SPNS1: variants seen among roughly 807,000 people sequenced by gnomAD.
SPNS1 encodes the protein protein spinster homolog 1.
Under a neutral mutation model 50.3 loss-of-function variants are expected in SPNS1, and 22 were observed. That is an observed-to-expected ratio of 0.44 (90% CI 0.31 to 0.62). The LOEUF (loss-of-function observed/expected upper bound fraction) is 0.62, where lower values mean the gene tolerates loss of function less well. Ranked by LOEUF, SPNS1 falls within the 20% of genes least tolerant of loss-of-function variation. The pLI, the probability that SPNS1 is intolerant of heterozygous loss-of-function variation, is 0.07. For missense variants in SPNS1, 576 were observed against 728.6 expected, an observed-to-expected ratio of 0.79 and a Z score of 2.41; for synonymous variants, 295 against 317.4, an observed-to-expected ratio of 0.93 and a Z score of 0.75.
intron 8 of SPNS1, 73 bp from the exon 9 acceptor site, chr16:28,982,784 G>A: frequency 1.3e-6 from 2 of 1,531,792 alleles, no homozygotes; most frequent in East Asian, 4.5e-5. Flanking sequence ...GTTAATAGAT[G>A]AGCTGGGAAC....
rs750395084 is a variant in SPNS1 at position 28,983,209 on chromosome 16, C to A, written c.1239C>A (p.Thr413=). ...ADILLYVVIP[T]RRSTAEAFQI... ...CTCCACAGTACGTGGTGATCCCTAC[C>A]CGACGCTCCACCGCCGAGGCCTTCC... Residue 413 remains threonine, a synonymous_variant, in exon 10 of 12, where the codon ACC becomes ACA. Transcript: ENST00000311008. The surrounding 1 kb of genome is among the most constrained non-coding windows in gnomAD (Gnocchi z 5.4). The A allele has an allele frequency of 1.2e-6, 2 of 1,613,532 alleles. No homozygotes were observed. Among genetic ancestry groups the A allele is most frequent in the Non-Finnish European group, 1.7e-6 (2 of 1,179,724 alleles).
In SPNS1 at chr16:28,984,475, G is replaced by A. The variant is rs1277622773; in HGVS notation, c.*176G>A. ...GGAGGAGGTGGGGGTCCAGGAGGGG[G>A]ATCCCTCTCCACAGGGGCAGCCCCA... is the stretch of plus-strand genomic sequence containing the variant. On this transcript the variant is annotated 3_prime_UTR_variant, in exon 12 of 12. Coordinates refer to ENST00000311008, the MANE Select transcript of SPNS1 (RefSeq NM_032038.3). 1 of 728,402 alleles carries A rather than the reference G, an allele frequency of 1.4e-6. No homozygotes were observed. Among genetic ancestry groups the A allele is most frequent in the South Asian group, 1.5e-5 (1 of 66,990 alleles). 45.1% of individuals were successfully genotyped at this position (728,402 alleles called of 1,614,324 possible). A position where few individuals can be genotyped will look rare whatever the true frequency, so the allele number is the denominator to read the frequency against.
At chr16:28,982,973 G>A in intron 9 of SPNS1, 51 bp downstream of exon 9, 1 of 1,600,222 alleles carries the variant, frequency 6.2e-7, no homozygotes, top group Non-Finnish European at 8.6e-7. Context: ...TGAGAGCAGA[G>A]TTGGGGTCAG....
intron 8 of SPNS1, 104 bp downstream of exon 8, chr16:28,982,649 T>G (rs1329011405): frequency 2.2e-6 from 3 of 1,365,688 alleles, no homozygotes; most frequent in Non-Finnish European, 3.0e-6. Context: ...GAATCACAGC[T>G]CTGGCTCTTC....
At position 28,974,842 on chromosome 16, in the gene SPNS1, G is replaced by A. The variant is rs1596739077; in HGVS notation, c.-310G>A. 6.5e-6 allele frequency: 10 copies of A among 1,535,668 alleles called. No homozygotes were observed. Among genetic ancestry groups the A allele is most frequent in the Non-Finnish European group, 8.7e-6 (10 of 1,146,572 alleles). ...CAGCGCCCGGGCTGAGCGACAGCAA[G>A]TGCAGCGGGCTCCTACCCCGGGTGA... On this transcript the variant is annotated 5_prime_UTR_variant, in exon 1 of 12. In the 5' UTR this introduces an upstream ATG that the reference lacks. Transcript: ENST00000311008.
At chr16:28,976,450 G>C (rs1277864819) in intron 2 of SPNS1, among the ~76,000 whole-genome samples, 1 of 152,174 alleles carries the variant, frequency 6.6e-6, no homozygotes, top group Non-Finnish European at 1.5e-5. Context: ...TGCCAGGCCT[G>C]GAGGAAGTGA....
At chr16:28,982,269 C>T in intron 7 of SPNS1, 87 bp from the exon 8 acceptor site, 1 of 1,456,376 alleles carries the variant, frequency 6.9e-7, no homozygotes, top group East Asian at 2.3e-5. Flanking sequence ...CTGTAGGGAC[C>T]TTGGTTGTGA....
Position 28,974,829 on chromosome 16 carries a change from T to A in SPNS1, c.-323T>A. The A allele has an allele frequency of 1.3e-6, 2 of 1,535,726 alleles. No individual in the cohort carries two copies. Among genetic ancestry groups the A allele is most frequent in the Non-Finnish European group, 1.7e-6 (2 of 1,146,576 alleles). Reference sequence around the variant, plus strand: ...GGCTGCCGTGGTGCAGCGCCCGGGCTGAGCGACAGCAAGTGCAGCGGGCTC... The same window carrying A: ...GGCTGCCGTGGTGCAGCGCCCGGGCAGAGCGACAGCAAGTGCAGCGGGCTC... On this transcript the variant is annotated 5_prime_UTR_variant, in exon 1 of 12. An upstream open reading frame in the 5' UTR loses its in-frame stop. Transcript: ENST00000311008.
chr16:28,977,779 G>A, intron 2 of SPNS1, 129 bp from the exon 3 acceptor site: 1 of 1,182,940 alleles, frequency 8.5e-7, no homozygotes, highest in Non-Finnish European at 1.2e-6. Context: ...GCTTCAGGCT[G>A]GGATGTGGGG....
intron 2 of SPNS1, among the ~76,000 whole-genome samples, chr16:28,975,936 G>T (rs182547512): frequency 4.6e-5 from 7 of 152,302 alleles, no homozygotes; most frequent in African/African-American, 1.7e-4. Context: ...TGTCTGTGAA[G>T]GGCCTAGTGC....
chr16:28,979,554 C>T, intron 5 of SPNS1, 83 bp downstream of exon 5: 3 of 1,467,180 alleles, frequency 2.0e-6, no homozygotes, highest in East Asian at 4.6e-5. Flanking sequence ...TTCCCACCGC[C>T]CATTTTTCTT....
At position 28,984,397 on chromosome 16, in the gene SPNS1, A is replaced by G. The variant is rs748565962; in HGVS notation, c.*98A>G. 29 of 1,231,760 alleles carry G rather than the reference A, an allele frequency of 2.4e-5. No homozygotes were observed. 76.3% of individuals were successfully genotyped at this position (1,231,760 alleles called of 1,614,324 possible). A position where few individuals can be genotyped will look rare whatever the true frequency, so the allele number is the denominator to read the frequency against. On this transcript the variant is annotated 3_prime_UTR_variant, in exon 12 of 12. Coordinates refer to ENST00000311008, the MANE Select transcript of SPNS1 (RefSeq NM_032038.3). ...AACCCCTTGGCCTGGCCCAGCTTCC[A>G]GAGGGACCCTGGGCCGTGTGCCAGC... is the stretch of plus-strand genomic sequence containing the variant.
chr16:28,974,895 C>G lies in SPNS1; in HGVS notation c.-257C>G, dbSNP rs1435421118. Reference sequence around the variant, plus strand: ...GGTGGCCTCCGCGTGGGATCGTGCCCTCTTCAGCCCGCTCCTGTCCCCGAC... The same window carrying G: ...GGTGGCCTCCGCGTGGGATCGTGCCGTCTTCAGCCCGCTCCTGTCCCCGAC... On this transcript the variant is annotated 5_prime_UTR_variant, in exon 1 of 12. Transcript: ENST00000311008. The G allele has an allele frequency of 9.2e-6, 14 of 1,529,582 alleles. No individual in the cohort carries two copies. Among genetic ancestry groups the G allele is most frequent in the Non-Finnish European group, 1.2e-5 (14 of 1,143,144 alleles). 94.8% of individuals were successfully genotyped at this position (1,529,582 alleles called of 1,614,324 possible). A position where few individuals can be genotyped will look rare whatever the true frequency, so the allele number is the denominator to read the frequency against.
Position 28,982,519 on chromosome 16 carries a change from G to A in SPNS1, c.1129G>A (p.Ala377Thr), listed in dbSNP as rs748746793. The change falls in exon 8 of 12, where the codon GCC becomes ACC. Residue 377 changes from alanine to threonine, a missense_variant. By Grantham distance (58) the Ala-to-Thr change is moderately conservative. Transcript: ENST00000311008. ...CTTCCTCTTCCTGTCCCTTGCCTGCGCCCGTGGTAGCATCGTGGCCACTTA... is the reference window on the plus strand; with the variant it reads ...CTTCCTCTTCCTGTCCCTTGCCTGCACCCGTGGTAGCATCGTGGCCACTTA... ...APFLFLSLACARGSIVATYIF... is the reference protein window; with the variant it reads ...APFLFLSLACTRGSIVATYIF... 2.1e-5 allele frequency: 34 copies of A among 1,610,992 alleles called. No individual in the cohort carries two copies. The highest frequency in any genetic ancestry group is 1.7e-4 in the Middle Eastern group (1 of 6,016).
Position 28,975,044 on chromosome 16 carries a change from C to A in SPNS1, c.-108C>A. 7.0e-7 allele frequency: 1 copy of A among 1,432,286 alleles called. No individual in the cohort carries two copies. The highest frequency in any genetic ancestry group is 1.5e-5 in the South Asian group (1 of 68,242). The allele number at this position is 1,432,286 out of a possible 1,614,324, so 88.7% of individuals were successfully genotyped here. A position where few individuals can be genotyped will look rare whatever the true frequency, so the allele number is the denominator to read the frequency against. On this transcript the variant is annotated 5_prime_UTR_variant, in exon 1 of 12. Coordinates refer to ENST00000311008, the MANE Select transcript of SPNS1 (RefSeq NM_032038.3). ...AGGGCAAGCTCCCCGTCTCCGGGCGCACTTCCCTCGCCTGTGTTCGGTCCA... is the reference window on the plus strand; with the variant it reads ...AGGGCAAGCTCCCCGTCTCCGGGCGAACTTCCCTCGCCTGTGTTCGGTCCA...
In SPNS1 at chr16:28,983,311, G is replaced by A. The variant is rs754495701; in HGVS notation, c.1320+21G>A. ...GCCTGGTGAGCATTATTTCTTGGCT[G>A]GCATGGGGTGGCTGGTGTCCTGAGC... On this transcript the variant is annotated intron_variant, in intron 10 of 11. Coordinates refer to ENST00000311008, the MANE Select transcript of SPNS1 (RefSeq NM_032038.3). The surrounding 1 kb of genome is among the most constrained non-coding windows in gnomAD (Gnocchi z 5.4). The A allele has an allele frequency of 8.8e-6, 14 of 1,593,996 alleles. No individual in the cohort carries two copies. The East Asian group carries it at 2.9e-4, about 33-fold the overall frequency.
chr16:28,981,638 C>T lies in SPNS1; in HGVS notation c.809+23C>T, dbSNP rs1055415704. The stretch of plus-strand genomic sequence containing the variant: ...AAAGTGAGTTTATTCCCACCCTAGA[C>T]CACCATCTGAGGCCCCCTGGCGTCT... On this transcript the variant is annotated intron_variant, in intron 6 of 11. Transcript: ENST00000311008. The surrounding 1 kb of genome is among the most constrained non-coding windows in gnomAD (Gnocchi z 4.2). 8 of 1,610,944 alleles carry T rather than the reference C, an allele frequency of 5.0e-6. No homozygotes were observed. Among genetic ancestry groups the T allele is most frequent in the Non-Finnish European group, 6.8e-6 (8 of 1,177,724 alleles).
Position 28,982,361 on chromosome 16 carries a change from T to A in SPNS1, c.971T>A (p.Ile324Asn). The A allele has an allele frequency of 6.3e-7, 1 of 1,590,918 alleles. No homozygotes were observed. The highest frequency in any genetic ancestry group is 8.6e-7 in the Non-Finnish European group (1 of 1,165,948). ...TTCCCTTCCCTCACCCCTAGTCTCATCTTTGGACTCATCACCTGCCTGACC... is the reference window on the plus strand; with the variant it reads ...TTCCCTTCCCTCACCCCTAGTCTCAACTTTGGACTCATCACCTGCCTGACC... ...GDSCSSSDSL[I>N]FGLITCLTGV... Residue 324 changes from isoleucine (I) to asparagine (N), a missense_variant, in exon 8 of 12, where the codon ATC (isoleucine) becomes AAC (asparagine). This residue lies in a region of SPNS1 where 428 missense variants were observed against 520.1 expected (regional missense o/e 0.82). Transcript: ENST00000311008.
Position 28,975,425 on chromosome 16 carries a change from A to G in SPNS1, c.241+33A>G, listed in dbSNP as rs190460343. ...CTCACTTCTGGGAGGAAGATAGTCT[A>G]GGAGAGGGGAGCCAGGGTCCCGAGG... On this transcript the variant is annotated intron_variant, in intron 1 of 11. Transcript: ENST00000311008. The G allele has an allele frequency of 6.7e-5, 108 of 1,614,210 alleles. 1 individual carries two copies. Among genetic ancestry groups the G allele is most frequent in the Admixed American group, 4.2e-4 (25 of 60,030 alleles).
Sources: gnomAD v4.1 joint callset for allele counts (sites outside exome capture counted in the v4.1 genomes callset) on GRCh38, gnomAD v4.1.1 for gene constraint, gnomAD v4.1.1 regional missense constraint, Gnocchi (gnomAD v3.1) non-coding constraint, MANE v1.5 for transcripts, NCBI Gene and HGNC (gene_info 2026-07-23, HGNC 2026-07-21) for gene names.